DLG1: variants seen among roughly 807,000 people sequenced by gnomAD.
DLG1 encodes discs large MAGUK scaffold protein 1, also known as disks large homolog 1.
DLG1 carries 42 observed loss-of-function variants against 123.4 expected under a neutral mutation model. The ratio of observed to expected loss-of-function variants is 0.34; its 90% CI spans 0.27 to 0.44. DLG1 has a LOEUF of 0.44. Among genes scored for constraint, DLG1 ranks in the 20% least tolerant of loss-of-function variants. The pLI is 1.00. For missense variants in DLG1, 942 were observed against 1,082.6 expected, an observed-to-expected ratio of 0.87 and a Z score of 1.82; for synonymous variants, 317 against 356.2, an observed-to-expected ratio of 0.89 and a Z score of 1.24.
At chr3:197,162,932 A>G (rs959396043) in intron 5 of DLG1, among the ~76,000 whole-genome samples, 15 of 152,224 alleles carry the variant, frequency 9.9e-5, no homozygotes, top group African/African-American at 3.6e-4. Flanking sequence ...CAATGGGAGA[A>G]GGTATTTGCA....
chr3:197,150,396 A>G (rs1275609525), intron 5 of DLG1, among the ~76,000 whole-genome samples: 1 of 152,098 alleles, frequency 6.6e-6, no homozygotes, highest in Non-Finnish European at 1.5e-5. Flanking sequence ...TAAGCAGAAT[A>G]ACACACACCT....
chr3:197,245,888 CTT>C (rs753433108), intron 4 of DLG1, among the ~76,000 whole-genome samples: 1,460 of 63,334 alleles, frequency 0.023, 30 homozygotes, highest in African/African-American at 0.08. Context: ...ATGGACAATA[CTT>C]TTTTTTTTTT....
At chr3:197,297,711 G>C (rs1246826183) in intron 1 of DLG1, 4 of 987,508 alleles carry the variant, frequency 4.1e-6, no homozygotes, top group Non-Finnish European at 4.8e-6. Context: ...GCTCCAGCGG[G>C]GGCCGGACAG....
chr3:197,295,747 A>G (rs1777112128), intron 3 of DLG1, among the ~76,000 whole-genome samples: 1 of 152,250 alleles, frequency 6.6e-6, no homozygotes, highest in African/African-American at 2.4e-5. Flanking sequence ...GGGATATATC[A>G]TTCAATTAGT....
intron 14 of DLG1, among the ~76,000 whole-genome samples, chr3:197,094,612 T>C (rs1380212319): frequency 2.0e-5 from 3 of 152,230 alleles, no homozygotes; most frequent in Non-Finnish European, 4.4e-5. Context: ...AGCTTTTTCA[T>C]GTTATATACT....
At chr3:197,137,548 T>C (rs1785640335) in intron 9 of DLG1, among the ~76,000 whole-genome samples, 1 of 152,200 alleles carries the variant, frequency 6.6e-6, no homozygotes, top group Non-Finnish European at 1.5e-5. Context: ...AATAGATATT[T>C]TGTTCCCTAC....
intron 4 of DLG1, among the ~76,000 whole-genome samples, chr3:197,194,916 G>C (rs768211183): frequency 1.2e-4 from 18 of 152,100 alleles, no homozygotes; most frequent in Non-Finnish European, 2.4e-4. Context: ...GCCAAAGTTA[G>C]GCACCTTAGT....
chr3:197,053,566 C>G (rs141918429), intron 23 of DLG1, among the ~76,000 whole-genome samples: 6,922 of 151,442 alleles, frequency 0.046, 195 homozygotes, highest in South Asian at 0.051. Context: ...GAGGTCAGGA[C>G]TTCGGGACCA....
intron 5 of DLG1, among the ~76,000 whole-genome samples, chr3:197,159,234 A>G (rs369322005): frequency 8.5e-5 from 13 of 152,250 alleles, no homozygotes; most frequent in East Asian, 7.7e-4. Context: ...TATAATAAGC[A>G]TAATTCTGAT....
At chr3:197,285,038 A>AC (rs1374418152) in intron 3 of DLG1, among the ~76,000 whole-genome samples, 1 of 147,826 alleles carries the variant, frequency 6.8e-6, no homozygotes. Flanking sequence ...TAAAAAAAAA[A>AC]AAAAAAAAAC....
intron 4 of DLG1, among the ~76,000 whole-genome samples, chr3:197,213,948 T>C (rs1732644296): frequency 6.6e-6 from 1 of 152,188 alleles, no homozygotes; most frequent in African/African-American, 2.4e-5. Flanking sequence ...TCTATCCAGT[T>C]CTCTCACAGA....
chr3:197,194,279 T>A, intron 5 of DLG1, 146 bp downstream of exon 5: 2 of 437,862 alleles, frequency 4.6e-6, no homozygotes, highest in Non-Finnish European at 7.8e-6. Context: ...AATAAGCACC[T>A]TGAAATTCTC....
At chr3:197,142,791 C>A in intron 6 of DLG1, 23 bp from the exon 7 acceptor site, 1 of 1,590,220 alleles carries the variant, frequency 6.3e-7, no homozygotes, top group South Asian at 1.2e-5. Flanking sequence ...AGAAAAGCAG[C>A]TCAGAAACTT....
chr3:197,222,619 C>T (rs75979863), intron 4 of DLG1, among the ~76,000 whole-genome samples: 1 of 152,128 alleles, frequency 6.6e-6, no homozygotes, highest in East Asian at 1.9e-4. Flanking sequence ...ACGAACAAGT[C>T]CCTGAAGCTA....
chr3:197,253,774 C>G (rs1208520571), intron 4 of DLG1, among the ~76,000 whole-genome samples: 1 of 152,100 alleles, frequency 6.6e-6, no homozygotes, highest in Admixed American at 6.5e-5. Context: ...TGTAGTTTGA[C>G]TCTATTAACG....
intron 22 of DLG1, among the ~76,000 whole-genome samples, chr3:197,064,473 G>A (rs1300992995): frequency 1.3e-5 from 2 of 152,176 alleles, no homozygotes; most frequent in East Asian, 1.9e-4. Context: ...GATTACAGGC[G>A]TGAGCCACCG....
chr3:197,144,690 A>G (rs1423475191), intron 6 of DLG1, among the ~76,000 whole-genome samples: 2 of 152,186 alleles, frequency 1.3e-5, no homozygotes, highest in African/African-American at 4.8e-5. Flanking sequence ...GAACTTTTGA[A>G]GCCCATCTCT....
At chr3:197,165,745 T>G (rs1577360466) in intron 5 of DLG1, among the ~76,000 whole-genome samples, 1 of 152,188 alleles carries the variant, frequency 6.6e-6, no homozygotes, top group South Asian at 2.1e-4. Context: ...TATGAATGCA[T>G]AAGAAAAGCG....
At chr3:197,225,240 G>A (rs1409907058) in intron 4 of DLG1, among the ~76,000 whole-genome samples, 1 of 152,040 alleles carries the variant, frequency 6.6e-6, no homozygotes, top group Non-Finnish European at 1.5e-5. Flanking sequence ...GCAGAAATCA[G>A]GTAAAAATGC....
Sources: allele counts gnomAD v4.1 joint callset (sites outside exome capture counted in the v4.1 genomes callset), GRCh38; gene constraint gnomAD v4.1.1; transcripts MANE v1.5; gene names NCBI Gene and HGNC (gene_info 2026-07-23, HGNC 2026-07-21).